Variants in SEC31A observed in about 807,000 individuals in gnomAD.
SEC31A encodes SEC31 homolog A, COPII component, also known as protein transport protein Sec31A.
In SEC31A, 70 loss-of-function variants were observed where a neutral mutation model predicts 151.0. That is an observed-to-expected ratio of 0.46 (90% CI 0.38 to 0.57). SEC31A has a LOEUF of 0.57. Among genes scored for constraint, SEC31A ranks in the 20% least tolerant of loss-of-function variants. The pLI is 0.00. For missense variants in SEC31A, 1,330 were observed against 1,471.2 expected (o/e 0.90, Z 1.57); for synonymous variants, 475 against 505.9 (o/e 0.94, Z 0.82).
At chr4:82,833,532 TAAAA>T (rs35174989) in intron 22 of SEC31A, among the ~76,000 whole-genome samples, 1 of 136,242 alleles carries the variant, frequency 7.3e-6, no homozygotes, top group South Asian at 2.3e-4. Context: ...AGTTAAATTA[TAAAA>T]AAAAAAAAAA....
chr4:82,856,316 A>T (rs1029275046), intron 16 of SEC31A, among the ~76,000 whole-genome samples: 1 of 151,474 alleles, frequency 6.6e-6, no homozygotes, highest in Non-Finnish European at 1.5e-5. Flanking sequence ...ACATCCGGTT[A>T]ATTTTTTGTA....
chr4:82,831,053 T>C lies in SEC31A; in HGVS notation c.2969-1995A>G. ...ACTTTACTCATTTTATAATTGTTTCTTCTCCCTTCATTAATCCCCAGAAAG... is the reference window on the plus strand; with the variant it reads ...ACTTTACTCATTTTATAATTGTTTCCTCTCCCTTCATTAATCCCCAGAAAG... On this transcript the variant is annotated intron_variant, in intron 22 of 26. Transcript: ENST00000395310. 4.3e-6 allele frequency: 2 copies of C among 464,300 alleles called. 1 individual carries two copies. The highest frequency in any genetic ancestry group is 7.6e-5 in the South Asian group (2 of 26,330). The allele number at this position is 464,300 out of a possible 1,614,324, so 28.8% of individuals were successfully genotyped here. A position where few individuals can be genotyped will look rare whatever the true frequency, so the allele number is the denominator to read the frequency against.
rs547773040 is a variant in SEC31A at position 82,864,300 on chromosome 4, A to G, written c.1434+62T>C. On this transcript the variant is annotated intron_variant, in intron 11 of 26. Transcript: ENST00000395310. ...TCTTTAATAGGAGGACAGATTTAGAATATAAAGGAACAGTTAAATTTGCAG... is the reference window on the plus strand; with the variant it reads ...TCTTTAATAGGAGGACAGATTTAGAGTATAAAGGAACAGTTAAATTTGCAG... 957 of 1,128,416 alleles carry G rather than the reference A, an allele frequency of 8.5e-4. 20 individuals carry two copies. The South Asian group carries it at 0.012, about 15-fold the overall frequency. The allele number at this position is 1,128,416 out of a possible 1,614,324, so 69.9% of individuals were successfully genotyped here. A position where few individuals can be genotyped will look rare whatever the true frequency, so the allele number is the denominator to read the frequency against.
At chr4:82,873,230 C>T (rs559972480) in intron 6 of SEC31A, among the ~76,000 whole-genome samples, 12 of 151,774 alleles carry the variant, frequency 7.9e-5, no homozygotes, top group African/African-American at 1.4e-4. Flanking sequence ...TGGTGGCGGA[C>T]GCCTGTAATC....
At chr4:82,897,242 A>C (rs1404696282) in intron 3 of SEC31A, among the ~76,000 whole-genome samples, 1 of 152,214 alleles carries the variant, frequency 6.6e-6, no homozygotes, top group Admixed American at 6.5e-5. Context: ...CTGCCCCTCC[A>C]TATCAGGCTT....
At position 82,847,601 on chromosome 4, in the gene SEC31A, T is replaced by C. The variant is rs144982523; in HGVS notation, c.2502+1203A>G. Among the ~76,000 whole-genome samples the C allele has an allele frequency of 1.2e-3, 188 of 152,202 alleles. 3 individuals are homozygous for C. In the East Asian group the frequency reaches 0.03, roughly 24 times the overall value. On this transcript the variant is annotated intron_variant, in intron 20 of 26. Coordinates refer to ENST00000395310, the MANE Select transcript of SEC31A (RefSeq NM_001077207.4). The stretch of plus-strand genomic sequence containing the variant: ...TCCCAACTTGGCCGGTAACCAGCCA[T>C]GCAACGCTGAGAAATTCAAGCTCTG...
intron 22 of SEC31A, among the ~76,000 whole-genome samples, chr4:82,841,476 A>AT (rs1728817827): frequency 7.9e-6 from 1 of 127,210 alleles, no homozygotes; most frequent in African/African-American, 2.7e-5. Context: ...ATACACACAC[A>AT]CTAAAAATAC....
intron 3 of SEC31A, among the ~76,000 whole-genome samples, chr4:82,879,258 T>G (rs1416499478): frequency 6.6e-6 from 1 of 152,102 alleles, no homozygotes; most frequent in East Asian, 1.9e-4. Context: ...TTACTTAATC[T>G]TCTTAAATTG....
chr4:82,874,446 C>A (rs1449281848), intron 6 of SEC31A, among the ~76,000 whole-genome samples, 165 bp downstream of exon 6: 1 of 152,114 alleles, frequency 6.6e-6, no homozygotes, highest in African/African-American at 2.4e-5. Context: ...TTATGATTTT[C>A]CCTTAGAGGA....
At chr4:82,889,535 G>C (rs1319065120) in intron 1 of SEC31A, among the ~76,000 whole-genome samples, 1 of 134,504 alleles carries the variant, frequency 7.4e-6, no homozygotes, top group Non-Finnish European at 1.6e-5. Context: ...CAACAAAGAG[G>C]GACCCTGTCT....
chr4:82,891,317 G>T, upstream of SEC31A: 1 of 833,020 alleles, frequency 1.2e-6, no homozygotes, highest in Non-Finnish European at 1.9e-6. Flanking sequence ...GCGGTAGCCT[G>T]GGAGGCGGGG....
At chr4:82,860,793 G>C (rs1733963539) in intron 14 of SEC31A, among the ~76,000 whole-genome samples, 1 of 152,142 alleles carries the variant, frequency 6.6e-6, no homozygotes, top group African/African-American at 2.4e-5. Flanking sequence ...CAAAGTTTTA[G>C]TAAAGATTTT....
At chr4:82,864,948 G>C (rs2149518571) in intron 10 of SEC31A, among the ~76,000 whole-genome samples, 1 of 152,078 alleles carries the variant, frequency 6.6e-6, no homozygotes, top group East Asian at 1.9e-4. Context: ...GCTAACTTTT[G>C]TATGTTTAGT....
At chr4:82,844,345 T>C (rs759965523) in intron 21 of SEC31A, 41 bp downstream of exon 21, 2 of 1,598,250 alleles carry the variant, frequency 1.3e-6, no homozygotes, top group Non-Finnish European at 1.7e-6. Context: ...AATTAGATCA[T>C]AAATACTGCT....
intron 12 of SEC31A, chr4:82,863,094 T>TA: frequency 2.2e-6 from 1 of 451,986 alleles, no homozygotes; most frequent in Non-Finnish European, 3.9e-6. Context: ...GATGAAAGGC[T>TA]AATACAAGTT....
At chr4:82,846,193 CG>C (rs1730123205) in intron 20 of SEC31A, among the ~76,000 whole-genome samples, 1 of 151,532 alleles carries the variant, frequency 6.6e-6, no homozygotes, top group East Asian at 1.9e-4. Flanking sequence ...TTAGTAGAGA[CG>C]GGGTTTCACT....
chr4:82,887,481 C>T (rs146367495), intron 1 of SEC31A, among the ~76,000 whole-genome samples: 1 of 152,182 alleles, frequency 6.6e-6, no homozygotes, highest in Non-Finnish European at 1.5e-5. Flanking sequence ...ATCTATAGCA[C>T]GGCAATTAAG....
At chr4:82,886,733 C>T (rs1461514516) in intron 1 of SEC31A, among the ~76,000 whole-genome samples, 1 of 152,180 alleles carries the variant, frequency 6.6e-6, no homozygotes, top group East Asian at 1.9e-4. Flanking sequence ...TACTCCCCGA[C>T]AAGTTTGTAC....
intron 14 of SEC31A, among the ~76,000 whole-genome samples, chr4:82,858,469 A>G (rs1476070387): frequency 1.4e-5 from 2 of 140,100 alleles, no homozygotes; most frequent in Admixed American, 1.6e-4. Context: ...ACTTGAACCC[A>G]GGAGGCGGAG....
Sources: gnomAD v4.1 joint callset for allele counts (sites outside exome capture counted in the v4.1 genomes callset) on GRCh38, gnomAD v4.1.1 for gene constraint, MANE v1.5 for transcripts, NCBI Gene and HGNC (gene_info 2026-07-23, HGNC 2026-07-21) for gene names.